Variants in CHIC2 observed in about 807,000 individuals in gnomAD.
CHIC2 encodes cysteine-rich hydrophobic domain-containing protein 2.
Under a neutral mutation model 25.9 loss-of-function variants are expected in CHIC2, and 14 were observed. The ratio of observed to expected loss-of-function variants is 0.54; its 90% CI spans 0.36 to 0.85. The LOEUF is 0.85. Ranked by LOEUF, CHIC2 falls within the 40% of genes least tolerant of loss-of-function variation. The pLI, the probability that CHIC2 is intolerant of heterozygous loss-of-function variation, is 0.01. For synonymous variants in CHIC2, 70 were observed against 72.0 expected (o/e 0.97, Z 0.14); for missense variants, 146 against 202.0 (o/e 0.72, Z 1.68).
At chr4:54,024,629 T>G (rs528026183) in intron 3 of CHIC2, among the ~76,000 whole-genome samples, 1 of 152,306 alleles carries the variant, frequency 6.6e-6, no homozygotes, top group East Asian at 1.9e-4. Context: ...ATAAAGAGTG[T>G]TGTTTTTCTG....
At chr4:54,079,346 G>A in the CHIC2 span, among the ~76,000 whole-genome samples, 1 of 151,990 alleles carries the variant, frequency 6.6e-6, no homozygotes, top group Non-Finnish European at 1.5e-5. Context: ...CCTTGACGTT[G>A]TTATTGGCAA....
intron 3 of CHIC2, among the ~76,000 whole-genome samples, chr4:54,035,858 A>G (rs1356598383): frequency 1.3e-5 from 2 of 152,140 alleles, no homozygotes; most frequent in African/African-American, 4.8e-5. Flanking sequence ...TTCCTTGAAC[A>G]CTGCTTTAGT....
intron 1 of CHIC2, among the ~76,000 whole-genome samples, chr4:54,062,002 T>C (rs1717349175): frequency 6.6e-6 from 1 of 152,176 alleles, no homozygotes; most frequent in South Asian, 2.1e-4. Context: ...AAAACTAGTA[T>C]CTATTGAACA....
intron 1 of CHIC2, among the ~76,000 whole-genome samples, chr4:54,061,394 A>G (rs1159466957): frequency 1.9e-4 from 29 of 152,188 alleles, no homozygotes; most frequent in Non-Finnish European, 7.4e-5. Context: ...CTCAAAAGTT[A>G]CATCTGTGAA....
Position 54,064,374 on chromosome 4 carries a change from G to A in CHIC2, c.-74C>T. On this transcript the variant is annotated 5_prime_UTR_variant, in exon 1 of 6. Transcript: ENST00000263921. This position sits in a 1 kb window ranked among gnomAD's most constrained non-coding sequence, Gnocchi z 4.2. ...GCGCCGGGGTACCGGCGGGCGAGGC[G>A]GCGGAGGCTGAGGGGAGTCGCCGCT... 1 of 1,583,808 alleles carries A rather than the reference G, an allele frequency of 6.3e-7. No individual in the cohort carries two copies. Among genetic ancestry groups the A allele is most frequent in the African/African-American group, 1.4e-5 (1 of 74,072 alleles).
At chr4:54,073,578 T>C in the CHIC2 span, among the ~76,000 whole-genome samples, 1 of 152,262 alleles carries the variant, frequency 6.6e-6, no homozygotes, top group East Asian at 1.9e-4. Flanking sequence ...CACCCTAAAA[T>C]TGGATCCTCC....
chr4:54,057,003 G>A (rs987940263), intron 1 of CHIC2, among the ~76,000 whole-genome samples: 3 of 152,088 alleles, frequency 2.0e-5, no homozygotes, highest in African/African-American at 4.8e-5. Flanking sequence ...AGAAAGTGCA[G>A]GTATGCCATC....
chr4:54,044,821 GAC>G (rs1716729017), intron 3 of CHIC2, among the ~76,000 whole-genome samples: 1 of 152,004 alleles, frequency 6.6e-6, no homozygotes, highest in South Asian at 2.1e-4. Context: ...AGGAAATAGA[GAC>G]ACAAAAAACC....
chr4:54,067,488 C>A (rs534456546), upstream of CHIC2, among the ~76,000 whole-genome samples: 1 of 152,154 alleles, frequency 6.6e-6, no homozygotes, highest in East Asian at 1.9e-4. Context: ...CTTCCAAGAT[C>A]CAGTTTCCTG....
intron 1 of CHIC2, chr4:54,060,637 TAG>T (rs1717306024): frequency 6.6e-6 from 1 of 152,164 alleles, no homozygotes; most frequent in Non-Finnish European, 1.5e-5. Flanking sequence ...ACACATCCTT[TAG>T]AGTTACCACT....
intron 3 of CHIC2, among the ~76,000 whole-genome samples, chr4:54,020,599 C>T (rs1715868795): frequency 2.0e-5 from 3 of 152,206 alleles, no homozygotes; most frequent in South Asian, 2.1e-4. Context: ...CCACCTACAA[C>T]CTCGGGTCCT....
the CHIC2 span, among the ~76,000 whole-genome samples, chr4:54,080,514 C>T: frequency 6.6e-6 from 1 of 151,616 alleles, no homozygotes; most frequent in East Asian, 1.9e-4. Context: ...GCCTATAATC[C>T]CAGCACTTTG....
At chr4:54,013,789 T>C in intron 5 of CHIC2, 48 bp downstream of exon 5, 1 of 1,567,602 alleles carries the variant, frequency 6.4e-7, no homozygotes, top group Non-Finnish European at 8.8e-7. Context: ...AGAAGCAAAA[T>C]AAATGATCAT....
chr4:54,076,523 T>A, the CHIC2 span: 1 of 152,224 alleles, frequency 6.6e-6, no homozygotes, highest in African/African-American at 2.4e-5. Flanking sequence ...AAAGTCTATA[T>A]GCTTCCCCAA....
chr4:54,086,780 T>G, the CHIC2 span: 1 of 287,752 alleles, frequency 3.5e-6, no homozygotes, highest in Admixed American at 5.2e-5. Context: ...ATCCTGATTG[T>G]AGAAACCTCT....
Position 54,059,340 on chromosome 4 carries a change from A to G in CHIC2, c.119+4842T>C, listed in dbSNP as rs538233709. 2.6e-4 allele frequency among the ~76,000 whole-genome samples: 39 copies of G among 152,208 alleles called. 1 individual carries two copies. The South Asian group carries it at 7.9e-3, about 31-fold the overall frequency. On this transcript the variant is annotated intron_variant, in intron 1 of 5. Transcript: ENST00000263921. ...CCAGGAGTTCAAAACCAGCCTGGCA[A>G]TACAGTGAAGCCCCATCTCTACAAA...
chr4:54,091,093 G>A, the CHIC2 span, among the ~76,000 whole-genome samples: 1 of 152,064 alleles, frequency 6.6e-6, no homozygotes, highest in African/African-American at 2.4e-5. Flanking sequence ...TCCACAGGTG[G>A]GTGAACAATA....
chr4:54,077,516 A>C, the CHIC2 span, among the ~76,000 whole-genome samples: 6 of 152,236 alleles, frequency 3.9e-5, no homozygotes, highest in Non-Finnish European at 7.3e-5. Context: ...AAGAACAGCC[A>C]GCATGATTTT....
intron 3 of CHIC2, among the ~76,000 whole-genome samples, chr4:54,020,900 GCCT>G (rs1345200303): frequency 6.6e-6 from 1 of 152,164 alleles, no homozygotes; most frequent in Non-Finnish European, 1.5e-5. Context: ...AGGGACGCCT[GCCT>G]TGGTCATTCA....
Sources: gnomAD v4.1 joint callset for allele counts (sites outside exome capture counted in the v4.1 genomes callset) on GRCh38, gnomAD v4.1.1 for gene constraint, Gnocchi (gnomAD v3.1) non-coding constraint, MANE v1.5 for transcripts, NCBI Gene and HGNC (gene_info 2026-07-23, HGNC 2026-07-21) for gene names.